Variants in PTPRD observed in about 807,000 individuals in gnomAD.
PTPRD encodes receptor-type tyrosine-protein phosphatase delta.
In PTPRD, 34 loss-of-function variants were observed where a neutral mutation model predicts 214.5. The observed-to-expected ratio is 0.16, with a 90% CI of 0.12 to 0.21. The LOEUF is 0.21. Among genes scored for constraint, PTPRD ranks in the 10% least tolerant of loss-of-function variants. The pLI is 1.00. For synonymous variants in PTPRD, 1,128 were observed against 845.7 expected, an observed-to-expected ratio of 1.33 and a Z score of -5.79; for missense variants, 2,545 against 2,398.7, an observed-to-expected ratio of 1.06 and a Z score of -1.27.
At chr9:10,555,862 A>T (rs1296846295) in intron 2 of PTPRD, among the ~76,000 whole-genome samples, 1 of 152,176 alleles carries the variant, frequency 6.6e-6, no homozygotes, top group Non-Finnish European at 1.5e-5. Flanking sequence ...GTACTAAGAA[A>T]ATATCAAATT....
At chr9:10,454,521 ACTCACAGTAGACTATGC>A (rs2098889639) in intron 2 of PTPRD, among the ~76,000 whole-genome samples, 1 of 151,672 alleles carries the variant, frequency 6.6e-6, no homozygotes, top group African/African-American at 2.4e-5. Flanking sequence ...CACTATTGTA[ACTCACAGTAGACTATGC>A]CTCCTACTTT....
At chr9:9,099,183 T>C (rs1207827894) in intron 10 of PTPRD, among the ~76,000 whole-genome samples, 1 of 152,216 alleles carries the variant, frequency 6.6e-6, no homozygotes. Flanking sequence ...TGTACACATT[T>C]ATTAGCAACA....
At chr9:10,501,110 T>C (rs833443) in intron 2 of PTPRD, among the ~76,000 whole-genome samples, 143,747 of 151,976 alleles carry the variant, frequency 0.95, 68,472 homozygotes, top group East Asian at 1. Context: ...TTTGAGGAAC[T>C]TCCAAATTGT....
intron 14 of PTPRD, among the ~76,000 whole-genome samples, chr9:8,610,908 A>C (rs892270240): frequency 4.6e-5 from 7 of 152,258 alleles, no homozygotes; most frequent in Admixed American, 3.3e-4. Flanking sequence ...GCCAGCTGCT[A>C]ACATGCTGAA....
intron 2 of PTPRD, among the ~76,000 whole-genome samples, chr9:10,371,706 G>C (rs1251214582): frequency 6.6e-6 from 1 of 152,038 alleles, no homozygotes; most frequent in Non-Finnish European, 1.5e-5. Context: ...TGAAGTAAAT[G>C]TGCACATTTG....
At chr9:9,277,313 T>A (rs1310685992) in intron 9 of PTPRD, among the ~76,000 whole-genome samples, 1 of 151,376 alleles carries the variant, frequency 6.6e-6, no homozygotes, top group Non-Finnish European at 1.5e-5. Context: ...AATTTAACAT[T>A]TTTAGGAAGC....
rs79139153 is a variant in PTPRD, at chr9:9,489,362, T to A, written c.-237+85370A>T. On this transcript the variant is annotated intron_variant, in intron 8 of 45. Transcript: ENST00000381196. ...ATTCAATTGCAAAGCTTTCAACAAATAACCCACAAGACATACAAAGAGAGA... is the reference window on the plus strand; with the variant it reads ...ATTCAATTGCAAAGCTTTCAACAAAAAACCCACAAGACATACAAAGAGAGA... Among the ~76,000 whole-genome samples, 1,259 of 152,064 alleles carry A rather than the reference T, an allele frequency of 8.3e-3. 57 individuals carry two copies. In the East Asian group the frequency reaches 0.099, roughly 12 times the overall value.
chr9:9,866,086 CCTA>C (rs2063881253), intron 5 of PTPRD, among the ~76,000 whole-genome samples: 2 of 152,136 alleles, frequency 1.3e-5, no homozygotes, highest in African/African-American at 4.8e-5. Flanking sequence ...GCCTCTGAAA[CCTA>C]CTTCTTTTTC....
chr9:9,883,079 C>T (rs1292391816), intron 5 of PTPRD, among the ~76,000 whole-genome samples: 1 of 152,078 alleles, frequency 6.6e-6, no homozygotes, highest in African/African-American at 2.4e-5. Flanking sequence ...GAACTATGAG[C>T]CATATAAGCC....
intron 12 of PTPRD, among the ~76,000 whole-genome samples, chr9:8,677,777 T>A (rs1268295773): frequency 6.6e-6 from 1 of 152,180 alleles, no homozygotes; most frequent in Non-Finnish European, 1.5e-5. Context: ...CATGACAATC[T>A]GTAGTACTCC....
At chr9:8,318,141 C>CCAAT (rs1823332234) in intron 45 of PTPRD, among the ~76,000 whole-genome samples, 199 bp from the exon 46 acceptor site, 1 of 151,884 alleles carries the variant, frequency 6.6e-6, no homozygotes, top group Admixed American at 6.6e-5. Context: ...ATTAACTTTG[C>CCAAT]CAATCAATTT....
At chr9:9,980,172 A>C (rs1224322109) in intron 4 of PTPRD, among the ~76,000 whole-genome samples, 5 of 152,184 alleles carry the variant, frequency 3.3e-5, no homozygotes, top group Non-Finnish European at 7.4e-5. Context: ...TGAAAATACT[A>C]GCTATTTTGA....
chr9:9,225,370 C>T (rs1173643204), intron 9 of PTPRD, among the ~76,000 whole-genome samples: 2 of 151,938 alleles, frequency 1.3e-5, no homozygotes, highest in African/African-American at 2.4e-5. Context: ...ACATCTTTAT[C>T]GAAGACCAAC....
At chr9:10,027,167 A>G (rs2096939688) in intron 4 of PTPRD, among the ~76,000 whole-genome samples, 1 of 152,244 alleles carries the variant, frequency 6.6e-6, no homozygotes, top group South Asian at 2.1e-4. Flanking sequence ...CTATAAATAA[A>G]TAGAAAGTGA....
intron 2 of PTPRD, among the ~76,000 whole-genome samples, chr9:10,431,315 C>A (rs1038047818): frequency 2.0e-5 from 3 of 151,890 alleles, no homozygotes; most frequent in Non-Finnish European, 4.4e-5. Context: ...AACGTTAGAC[C>A]TAAAACCATA....
chr9:10,258,171 T>C (rs767339979), intron 3 of PTPRD, among the ~76,000 whole-genome samples: 1 of 152,176 alleles, frequency 6.6e-6, no homozygotes, highest in African/African-American at 2.4e-5. Flanking sequence ...TCTAAACTAG[T>C]TGTAGTTGGG....
intron 14 of PTPRD, among the ~76,000 whole-genome samples, chr9:8,562,207 G>C (rs1326779380): frequency 6.6e-6 from 1 of 152,084 alleles, no homozygotes; most frequent in Non-Finnish European, 1.5e-5. Context: ...GGATAAGATA[G>C]TTCTGTTGTA....
intron 9 of PTPRD, among the ~76,000 whole-genome samples, chr9:9,284,033 T>C (rs1201415983): frequency 1.3e-5 from 2 of 151,722 alleles, no homozygotes; most frequent in Admixed American, 1.3e-4. Flanking sequence ...GTAGATTCCT[T>C]GGTATTTTAA....
chr9:9,685,707 G>GA lies in PTPRD; in HGVS notation c.-287+48825dup, dbSNP rs879549835. Reference sequence around the variant, plus strand: ...TTAAGTAATAAGTCACCATTACCCAGAAAAAAAAAAACTTTGAAAAGTAAA... The same window carrying GA: ...TTAAGTAATAAGTCACCATTACCCAGAAAAAAAAAAAACTTTGAAAAGTAAA... On this transcript the variant is annotated intron_variant, in intron 7 of 45. Transcript: ENST00000381196. 3.6e-3 allele frequency among the ~76,000 whole-genome samples: 515 copies of GA among 142,446 alleles called. 1 individual carries two copies. Among genetic ancestry groups the GA allele is most frequent in the East Asian group, 0.013 (66 of 4,946 alleles). The allele number at this position is 142,446 out of a possible 152,430, so 93.5% of individuals were successfully genotyped here.
Sources: gnomAD v4.1 joint callset for allele counts (sites outside exome capture counted in the v4.1 genomes callset) on GRCh38, gnomAD v4.1.1 for gene constraint, MANE v1.5 for transcripts, NCBI Gene and HGNC (gene_info 2026-07-23, HGNC 2026-07-21) for gene names.